The following CPA6 variants were observed in gnomAD, a reference collection of about 807,000 sequenced individuals.
CPA6 encodes carboxypeptidase B.
In CPA6, 58 loss-of-function variants were observed where a neutral mutation model predicts 63.3. That is an observed-to-expected ratio of 0.92 (90% CI 0.74 to 1.14). The LOEUF is 1.14. Among genes scored for constraint, CPA6 ranks in the 50% most tolerant of loss-of-function variants. CPA6 has a pLI of 0.00. For missense variants in CPA6, 565 were observed against 526.6 expected, an observed-to-expected ratio of 1.07 and a Z score of -0.71; for synonymous variants, 185 against 179.0, an observed-to-expected ratio of 1.03 and a Z score of -0.27.
chr8:67,674,922 C>T (rs1487799484), intron 1 of CPA6, among the ~76,000 whole-genome samples: 1 of 152,084 alleles, frequency 6.6e-6, no homozygotes, highest in Admixed American at 6.5e-5. Context: ...TACACCAGAA[C>T]AGAAAACCAA....
chr8:67,435,170 C>CA (rs1178653376), intron 8 of CPA6, among the ~76,000 whole-genome samples: 59 of 152,276 alleles, frequency 3.9e-4, no homozygotes, highest in African/African-American at 1.3e-3. Flanking sequence ...CACAGTGGGC[C>CA]ATGGAAGAAG....
At chr8:67,618,727 G>A (rs990814263) in intron 2 of CPA6, among the ~76,000 whole-genome samples, 4 of 152,164 alleles carry the variant, frequency 2.6e-5, no homozygotes, top group African/African-American at 9.6e-5. Context: ...TTCTTTCTAC[G>A]AGAGTGTGTC....
intron 2 of CPA6, among the ~76,000 whole-genome samples, chr8:67,523,264 C>T (rs1486238097): frequency 6.6e-6 from 1 of 152,192 alleles, no homozygotes; most frequent in Non-Finnish European, 1.5e-5. Context: ...CGTGGTGGCT[C>T]ACACCCATAA....
At chr8:67,443,654 C>G (rs1014470056) in intron 8 of CPA6, among the ~76,000 whole-genome samples, 1 of 152,218 alleles carries the variant, frequency 6.6e-6, no homozygotes, top group Non-Finnish European at 1.5e-5. Flanking sequence ...AGTCAATTCA[C>G]ATTTCTCTTC....
intron 9 of CPA6, among the ~76,000 whole-genome samples, chr8:67,429,821 A>AG (rs1386683097): frequency 6.6e-6 from 1 of 152,144 alleles, no homozygotes; most frequent in African/African-American, 2.4e-5. Flanking sequence ...AAAAAATCTA[A>AG]GAAAAAAAAA....
At chr8:67,626,415 G>A (rs1357582645) in intron 1 of CPA6, among the ~76,000 whole-genome samples, 2 of 152,102 alleles carry the variant, frequency 1.3e-5, no homozygotes, top group Non-Finnish European at 2.9e-5. Flanking sequence ...CCCTTGGCTT[G>A]CTGATAATAA....
Position 67,475,813 on chromosome 8 carries a change from CTTTCCTTTCTTTT to C in CPA6, c.838+7942_838+7954del, listed in dbSNP as rs1460864843. ...TCTTTCTTTCTTTCTTTCTTTCTTT[CTTTCCTTTCTTTT>C]CTTTCTTTCTTTCTTTCTTTCTTTC... is the stretch of plus-strand genomic sequence containing the variant. On this transcript the variant is annotated intron_variant, in intron 8 of 10. Transcript: ENST00000297770. 8.4e-3 allele frequency among the ~76,000 whole-genome samples: 360 copies of C among 43,016 alleles called. 18 individuals are homozygous for C. Among genetic ancestry groups the C allele is most frequent in the African/African-American group, 0.034 (261 of 7,586 alleles). 28.2% of individuals were successfully genotyped at this position (43,016 alleles called of 152,430 possible).
intron 2 of CPA6, among the ~76,000 whole-genome samples, chr8:67,602,622 C>T (rs1029166472): frequency 1.3e-5 from 2 of 152,166 alleles, no homozygotes; most frequent in African/African-American, 4.8e-5. Context: ...TCATCAAGTC[C>T]TGCATGAAGG....
intron 2 of CPA6, among the ~76,000 whole-genome samples, chr8:67,604,593 A>G (rs1814578826): frequency 6.6e-6 from 1 of 152,182 alleles, no homozygotes. Flanking sequence ...TCTTGAGGAC[A>G]GGGATTGTTG....
Position 67,534,730 on chromosome 8 carries a change from ATTATACT to A in CPA6, c.193-16690_193-16684del, listed in dbSNP as rs1202847736. Among the ~76,000 whole-genome samples, 9 of 152,228 alleles carry A rather than the reference ATTATACT, an allele frequency of 5.9e-5. No homozygotes were observed. In the South Asian group the frequency reaches 1.9e-3, roughly 32 times the overall value. ...GAAAAATATCTTTTTTTTTTAAAAA[ATTATACT>A]TTAAGTTCTAAGATAACGTGTGCAG... On this transcript the variant is annotated intron_variant, in intron 2 of 10. Transcript: ENST00000297770.
chr8:67,541,400 G>A (rs1008186178), intron 2 of CPA6, among the ~76,000 whole-genome samples: 4 of 152,098 alleles, frequency 2.6e-5, no homozygotes, highest in African/African-American at 9.7e-5. Context: ...ACCTGGGCCT[G>A]GTAGTTAAAG....
chr8:67,728,781 C>A (rs1368025314), intron 1 of CPA6, among the ~76,000 whole-genome samples: 8 of 152,162 alleles, frequency 5.3e-5, no homozygotes, highest in African/African-American at 1.9e-4. Context: ...TTAAGTAATT[C>A]CTTCCAATTA....
chr8:67,607,995 G>A (rs1167862325), intron 2 of CPA6, among the ~76,000 whole-genome samples: 1 of 152,170 alleles, frequency 6.6e-6, no homozygotes, highest in Non-Finnish European at 1.5e-5. Context: ...GTGATTTGAG[G>A]ATCCAGAAAT....
intron 3 of CPA6, among the ~76,000 whole-genome samples, chr8:67,514,893 T>C (rs139833233): frequency 6.8e-4 from 103 of 152,380 alleles, no homozygotes; most frequent in African/African-American, 2.3e-3. Flanking sequence ...AATAGTTTTA[T>C]GCACAGCTGC....
chr8:67,540,314 C>T (rs1223601954), intron 2 of CPA6, among the ~76,000 whole-genome samples: 1 of 152,168 alleles, frequency 6.6e-6, no homozygotes, highest in Non-Finnish European at 1.5e-5. Context: ...GACCCTGTTT[C>T]TCTGGGTATC....
At chr8:67,654,611 G>A (rs1815939381) in intron 1 of CPA6, among the ~76,000 whole-genome samples, 1 of 151,968 alleles carries the variant, frequency 6.6e-6, no homozygotes. Context: ...ATTTTTTATT[G>A]TGTCTGTTTG....
chr8:67,483,779 A>T lies in CPA6; in HGVS notation c.827T>A (p.Val276Glu). The change falls in exon 8 of 11, where the codon GTG (valine) becomes GAG (glutamate). Residue 276 changes from valine (V) to glutamate (E), a missense_variant. Transcript: ENST00000297770. ...RGVDANRNWKVKWCDEGASMH... is the reference protein window; with the variant it reads ...RGVDANRNWKEKWCDEGASMH... ...GGTCCCAAACTTACCACACCACTTC[A>T]CTTTCCAGTTTCTATTGGCATCCAC... The T allele has an allele frequency of 6.2e-7, 1 of 1,613,872 alleles. No individual in the cohort carries two copies. Among genetic ancestry groups the T allele is most frequent in the Non-Finnish European group, 8.5e-7 (1 of 1,179,882 alleles).
chr8:67,477,294 A>C (rs1053375794), intron 8 of CPA6, among the ~76,000 whole-genome samples: 1 of 150,454 alleles, frequency 6.6e-6, no homozygotes, highest in Non-Finnish European at 1.5e-5. Context: ...CATCTCAAAA[A>C]AAAAAAAAAA....
chr8:67,446,239 T>A (rs192977549), intron 8 of CPA6, among the ~76,000 whole-genome samples: 36,840 of 149,412 alleles, frequency 0.25, 5,189 homozygotes, highest in African/African-American at 0.39. Flanking sequence ...CACTCCAGCC[T>A]GGGAGACAGA....
Sources: allele counts gnomAD v4.1 joint callset (sites outside exome capture counted in the v4.1 genomes callset), GRCh38; gene constraint gnomAD v4.1.1; transcripts MANE v1.5; gene names NCBI Gene and HGNC (gene_info 2026-07-23, HGNC 2026-07-21).